The following SUCLG2 variants were observed in gnomAD, a reference collection of about 807,000 sequenced individuals.
SUCLG2 encodes the protein succinate--CoA ligase [GDP-forming] subunit beta, mitochondrial.
SUCLG2 carries 42 observed loss-of-function variants against 47.9 expected under a neutral mutation model. The observed-to-expected ratio is 0.88, with a 90% CI of 0.69 to 1.14. The LOEUF (loss-of-function observed/expected upper bound fraction) is 1.14. SUCLG2 is among the 50% of genes most tolerant of loss of function. The pLI is 0.00. For synonymous variants in SUCLG2, 195 were observed against 197.3 expected (o/e 0.99, Z 0.10); for missense variants, 571 against 525.9 (o/e 1.09, Z -0.84).
intron 1 of SUCLG2, among the ~76,000 whole-genome samples, chr3:67,633,361 G>A (rs1700958375): frequency 2.6e-5 from 4 of 152,094 alleles, no homozygotes; most frequent in Admixed American, 2.0e-4. Context: ...AGTTTCTGTA[G>A]TAAAGTCATT....
At chr3:67,650,060 G>A (rs1011579938) in intron 1 of SUCLG2, among the ~76,000 whole-genome samples, 1 of 152,104 alleles carries the variant, frequency 6.6e-6, no homozygotes, top group Non-Finnish European at 1.5e-5. Context: ...TTCCCCACAA[G>A]GAAGGTCAAT....
Position 67,520,467 on chromosome 3 carries a change from G to T in SUCLG2, c.570+15C>A. On this transcript the variant is annotated intron_variant, in intron 5 of 10. Transcript: ENST00000307227. ...ACAATCAATTAATAGCAGGTAGCCC[G>T]GAATTTAAACATACCTTAAAAATGA... 6.2e-7 allele frequency: 1 copy of T among 1,613,804 alleles called. No individual in the cohort carries two copies. Among genetic ancestry groups the T allele is most frequent in the South Asian group, 1.1e-5 (1 of 91,076 alleles).
chr3:67,554,989 C>G (rs910765039), intron 2 of SUCLG2, among the ~76,000 whole-genome samples: 1 of 152,116 alleles, frequency 6.6e-6, no homozygotes, highest in African/African-American at 2.4e-5. Context: ...GGGGAGCTTC[C>G]TCACAAAGAC....
chr3:67,376,969 T>A (rs951418176), intron 10 of SUCLG2, among the ~76,000 whole-genome samples: 1 of 152,260 alleles, frequency 6.6e-6, no homozygotes, highest in African/African-American at 2.4e-5. Context: ...GTAAATCGTT[T>A]AACTTCTTTG....
intron 10 of SUCLG2, among the ~76,000 whole-genome samples, chr3:67,378,321 C>G (rs1029766028): frequency 6.6e-6 from 1 of 152,176 alleles, no homozygotes; most frequent in Non-Finnish European, 1.5e-5. Context: ...ACTTCTGAGA[C>G]TAGGTTACAA....
In SUCLG2 at chr3:67,520,627, A is replaced by G. The variant is rs1400350477; in HGVS notation, c.425T>C (p.Val142Ala). The G allele has an allele frequency of 5.8e-5, 93 of 1,607,872 alleles. No homozygotes were observed. The highest frequency in any genetic ancestry group is 7.7e-5 in the Non-Finnish European group (91 of 1,178,172). Residue 142 changes from valine to alanine, a missense_variant, in exon 5 of 11, where the codon GTT (valine) becomes GCT (alanine). Physicochemically the swap from Val to Ala is moderately conservative, Grantham distance 64 (BLOSUM62 0). Coordinates refer to ENST00000307227, the MANE Select transcript of SUCLG2 (RefSeq NM_003848.4). Reference sequence around the variant, plus strand: ...TCTGGAAATATCCAAGGCTTCAGCAACCATCACCTACCACATTAGTGGGAA... The same window carrying G: ...TCTGGAAATATCCAAGGCTTCAGCAGCCATCACCTACCACATTAGTGGGAA... ...KEGVKVNKVMVAEALDISRET... is the reference protein window; with the variant it reads ...KEGVKVNKVMAAEALDISRET...
At chr3:67,642,916 CTCTGTG>C (rs1488241019) in intron 1 of SUCLG2, among the ~76,000 whole-genome samples, 8 of 120,028 alleles carry the variant, frequency 6.7e-5, no homozygotes, top group African/African-American at 2.2e-4. Flanking sequence ...CAGAAAAGGA[CTCTGTG>C]TGTGTGTGTG....
chr3:67,498,352 G>A (rs1705406462), intron 7 of SUCLG2, 57 bp from the exon 8 acceptor site: 8 of 1,576,130 alleles, frequency 5.1e-6, no homozygotes, highest in African/African-American at 1.4e-5. Context: ...TATAAATTAA[G>A]TTCTTCAGGC....
intron 2 of SUCLG2, among the ~76,000 whole-genome samples, chr3:67,582,347 A>G (rs1278757141): frequency 1.3e-5 from 2 of 152,136 alleles, no homozygotes; most frequent in Non-Finnish European, 2.9e-5. Flanking sequence ...GCTCCCACTT[A>G]TAAGTGAGAA....
At chr3:67,426,676 T>TC (rs1263951551) in intron 9 of SUCLG2, among the ~76,000 whole-genome samples, 2 of 152,160 alleles carry the variant, frequency 1.3e-5, no homozygotes, top group African/African-American at 2.4e-5. Context: ...ACACCTGTAA[T>TC]CCCAGCACTT....
At chr3:67,579,443 G>C (rs1707826998) in intron 2 of SUCLG2, among the ~76,000 whole-genome samples, 1 of 152,198 alleles carries the variant, frequency 6.6e-6, no homozygotes, top group Non-Finnish European at 1.5e-5. Flanking sequence ...CTGCCCTTCA[G>C]AACTACAAGT....
At chr3:67,465,228 C>G (rs889529960) in intron 9 of SUCLG2, among the ~76,000 whole-genome samples, 2 of 152,110 alleles carry the variant, frequency 1.3e-5, no homozygotes, top group East Asian at 3.9e-4. Flanking sequence ...GTGCTTAAAG[C>G]CTTTCAGAGG....
rs2106754624 is a variant in SUCLG2, at chr3:67,374,898, G to A, written c.*846C>T. On this transcript the variant is annotated 3_prime_UTR_variant, in exon 11 of 11. Coordinates refer to ENST00000307227, the MANE Select transcript of SUCLG2 (RefSeq NM_003848.4). Reference sequence around the variant, plus strand: ...AAACTGGTAGATTCTGGGAGGATGAGGAGTAAGAGAGAAACGAGGAGAGAA... The same window carrying A: ...AAACTGGTAGATTCTGGGAGGATGAAGAGTAAGAGAGAAACGAGGAGAGAA... The A allele has an allele frequency of 2.0e-6, 2 of 985,204 alleles. No homozygotes were observed. The highest frequency in any genetic ancestry group is 4.7e-5 in the South Asian group (1 of 21,260). 61.0% of individuals were successfully genotyped at this position (985,204 alleles called of 1,614,324 possible).
downstream of SUCLG2, among the ~76,000 whole-genome samples, chr3:67,372,862 T>C (rs990468908): frequency 6.6e-6 from 1 of 152,208 alleles, no homozygotes; most frequent in Non-Finnish European, 1.5e-5. Flanking sequence ...GCAAACCTTT[T>C]ATGTAAAGGG....
At chr3:67,593,811 A>G (rs779315138) in intron 2 of SUCLG2, among the ~76,000 whole-genome samples, 7 of 152,182 alleles carry the variant, frequency 4.6e-5, no homozygotes, top group Non-Finnish European at 1.0e-4. Flanking sequence ...AAGATAGATA[A>G]GATCAGGTCA....
intron 7 of SUCLG2, among the ~76,000 whole-genome samples, chr3:67,508,222 C>A (rs1420890968): frequency 6.6e-6 from 1 of 152,016 alleles, no homozygotes; most frequent in African/African-American, 2.4e-5. Context: ...AAATCCAGCC[C>A]AGAACACAAG....
chr3:67,590,672 G>A (rs193299980), intron 2 of SUCLG2, among the ~76,000 whole-genome samples: 18 of 152,270 alleles, frequency 1.2e-4, no homozygotes, highest in Non-Finnish European at 2.1e-4. Context: ...CTGATACCAT[G>A]CCTCTTGTAC....
intron 9 of SUCLG2, among the ~76,000 whole-genome samples, chr3:67,456,766 A>G (rs759781824): frequency 6.6e-6 from 1 of 152,210 alleles, no homozygotes; most frequent in Non-Finnish European, 1.5e-5. Flanking sequence ...CAAAACAGCT[A>G]AACTTGAAAC....
intron 2 of SUCLG2, among the ~76,000 whole-genome samples, chr3:67,576,491 A>C (rs1203403379): frequency 6.6e-6 from 1 of 152,230 alleles, no homozygotes. Context: ...AAGTGTGTTG[A>C]AACATTCTCC....
Sources: gnomAD v4.1 joint callset for allele counts (sites outside exome capture counted in the v4.1 genomes callset) on GRCh38, gnomAD v4.1.1 for gene constraint, MANE v1.5 for transcripts, NCBI Gene and HGNC (gene_info 2026-07-23, HGNC 2026-07-21) for gene names.